Variants in WDR64 observed in about 807,000 individuals in gnomAD.
The protein encoded by WDR64 is WD repeat-containing protein 64.
A neutral mutation model predicts 139.3 loss-of-function variants in WDR64; 112 were observed. That is an observed-to-expected ratio of 0.80 (90% CI 0.69 to 0.94). The LOEUF (loss-of-function observed/expected upper bound fraction) is 0.94, where lower values mean the gene tolerates loss of function less well. WDR64 is among the 40% of genes least tolerant of loss of function. The probability of loss-of-function intolerance (pLI) is 0.00; values close to 1 mark genes in which losing one functional copy is unlikely to be tolerated. For synonymous variants in WDR64, 444 were observed against 437.7 expected (o/e 1.01, Z -0.18); for missense variants, 1,206 against 1,293.1 (o/e 0.93, Z 1.03).
chr1:241,744,353 C>T (rs750562720), intron 12 of WDR64, 40 bp from the exon 13 acceptor site: 1 of 1,611,030 alleles, frequency 6.2e-7, no homozygotes, highest in Non-Finnish European at 8.5e-7. Context: ...TGAAGGGCTT[C>T]TTCAAACGGA....
chr1:241,695,557 A>T (rs940778022), intron 8 of WDR64, among the ~76,000 whole-genome samples: 16 of 152,226 alleles, frequency 1.1e-4, no homozygotes, highest in African/African-American at 3.9e-4. Context: ...TTATAGGCAC[A>T]GTAGAAGTTA....
rs1382319668 is a variant in WDR64, at chr1:241,790,688, TCTC to T, written c.2992_2994del (p.Pro998del). 3.8e-6 allele frequency: 6 copies of T among 1,569,472 alleles called. No homozygotes were observed. The highest frequency in any genetic ancestry group is 4.3e-6 in the Non-Finnish European group (5 of 1,167,730). On this transcript the variant is annotated inframe_deletion, in exon 25 of 28. Transcript: ENST00000437684. The stretch of plus-strand genomic sequence containing the variant: ...TTTCAAGTTTTTCAAGTCTCTTTCT[TCTC>T]CTAAGGTAGCTTAAAAAAAAAAAAA...
chr1:241,664,761 G>C (rs1294595754), intron 2 of WDR64, among the ~76,000 whole-genome samples: 9 of 152,078 alleles, frequency 5.9e-5, no homozygotes, highest in African/African-American at 2.2e-4. Context: ...ACGCAATGTA[G>C]ATTATGGAGG....
At chr1:241,763,587 C>G (rs1391747634) in intron 15 of WDR64, among the ~76,000 whole-genome samples, 1 of 152,168 alleles carries the variant, frequency 6.6e-6, no homozygotes, top group South Asian at 2.1e-4. Flanking sequence ...CGCCTGTAAT[C>G]CTAGCTACGG....
At chr1:241,702,988 C>T (rs556288198) in intron 8 of WDR64, among the ~76,000 whole-genome samples, 2 of 152,254 alleles carry the variant, frequency 1.3e-5, no homozygotes, top group Admixed American at 1.3e-4. Context: ...CCCTCCCTTG[C>T]CCCTTGGGAA....
chr1:241,739,268 T>A (rs1669445280), intron 11 of WDR64, among the ~76,000 whole-genome samples: 2 of 152,210 alleles, frequency 1.3e-5, no homozygotes, highest in Non-Finnish European at 2.9e-5. Context: ...GGCTTCAGGA[T>A]AAAAATGCAT....
chr1:241,769,344 AGTACT>A, intron 16 of WDR64, 55 bp from the exon 17 acceptor site: 1 of 1,303,170 alleles, frequency 7.7e-7, no homozygotes, highest in Non-Finnish European at 1.1e-6. Flanking sequence ...ATACAATCTT[AGTACT>A]GTAAGCTCCA....
At chr1:241,674,599 C>T (rs1473055470) in intron 3 of WDR64, 45 bp from the exon 4 acceptor site, 3 of 1,286,918 alleles carry the variant, frequency 2.3e-6, no homozygotes, top group Admixed American at 2.3e-5. Flanking sequence ...TGAGTTTCAG[C>T]ACCTTTACTG....
At chr1:241,755,666 T>C (rs1321983765) in intron 14 of WDR64, among the ~76,000 whole-genome samples, 1 of 152,206 alleles carries the variant, frequency 6.6e-6, no homozygotes, top group Non-Finnish European at 1.5e-5. Context: ...TTGCCTAGGT[T>C]TTCTTCTAGG....
chr1:241,702,107 C>T (rs1008330637), intron 8 of WDR64, among the ~76,000 whole-genome samples: 3 of 152,206 alleles, frequency 2.0e-5, no homozygotes, highest in Non-Finnish European at 4.4e-5. Context: ...CCATGTAAAG[C>T]ATGTTGCCTG....
intron 7 of WDR64, among the ~76,000 whole-genome samples, chr1:241,686,707 T>C (rs78246919): frequency 0.058 from 8,848 of 152,294 alleles, 373 homozygotes; most frequent in South Asian, 0.11. Flanking sequence ...CAAGGAATAT[T>C]ATCACTATCC....
intron 14 of WDR64, among the ~76,000 whole-genome samples, chr1:241,751,553 A>G (rs1297285686): frequency 6.6e-6 from 1 of 152,238 alleles, no homozygotes; most frequent in Non-Finnish European, 1.5e-5. Context: ...GTTATTCAGG[A>G]AACATCGCTG....
At chr1:241,778,979 G>C (rs1658755236) in intron 21 of WDR64, among the ~76,000 whole-genome samples, 1 of 151,918 alleles carries the variant, frequency 6.6e-6, no homozygotes, top group Non-Finnish European at 1.5e-5. Flanking sequence ...TCCTTATGTA[G>C]ATATGAGTTT....
intron 27 of WDR64, among the ~76,000 whole-genome samples, chr1:241,798,715 T>C (rs1432898873): frequency 1.3e-5 from 2 of 152,206 alleles, no homozygotes; most frequent in African/African-American, 4.8e-5. Context: ...GAACTTACAG[T>C]ACAGTTGGAA....
intron 2 of WDR64, among the ~76,000 whole-genome samples, chr1:241,667,507 T>C (rs971816261): frequency 1.8e-4 from 28 of 152,110 alleles, no homozygotes; most frequent in African/African-American, 6.8e-4. Context: ...TTATCCTGGA[T>C]TATCTAGGTG....
At chr1:241,684,268 A>G (rs1255880102) in intron 7 of WDR64, among the ~76,000 whole-genome samples, 1 of 152,194 alleles carries the variant, frequency 6.6e-6, no homozygotes, top group Non-Finnish European at 1.5e-5. Context: ...AAAAGATATA[A>G]TCCTCCAAGA....
rs1220706640 is a variant in WDR64, at chr1:241,685,032, T to C, written c.839+1331T>C. On this transcript the variant is annotated intron_variant, in intron 7 of 27. Coordinates refer to ENST00000437684, the MANE Select transcript of WDR64 (RefSeq NM_001367482.1). ...TCGGCCTCCCAAAGTGCTGGTATTA[T>C]AGGCTTGAGCCACCGTGCCTGGCCC... Among the ~76,000 whole-genome samples, 6 of 152,012 alleles carry C rather than the reference T, an allele frequency of 3.9e-5. No individual in the cohort carries two copies. In the East Asian group the frequency reaches 7.7e-4, roughly 20 times the overall value.
At chr1:241,693,127 CT>C (rs1667364927) in intron 8 of WDR64, among the ~76,000 whole-genome samples, 1 of 152,180 alleles carries the variant, frequency 6.6e-6, no homozygotes, top group Admixed American at 6.5e-5. Flanking sequence ...TTCATAGCAG[CT>C]TTATTCATTA....
At chr1:241,729,324 C>T (rs1174740277) in intron 10 of WDR64, among the ~76,000 whole-genome samples, 3 of 152,190 alleles carry the variant, frequency 2.0e-5, no homozygotes, top group Non-Finnish European at 4.4e-5. Context: ...TCAGTTTCTT[C>T]TCTCCCCAAA....
Sources: allele counts gnomAD v4.1 joint callset (sites outside exome capture counted in the v4.1 genomes callset), GRCh38; gene constraint gnomAD v4.1.1; transcripts MANE v1.5; gene names NCBI Gene and HGNC (gene_info 2026-07-23, HGNC 2026-07-21).